The following KIAA1671 variants were observed in gnomAD, a reference collection of about 807,000 sequenced individuals.
The protein encoded by KIAA1671 is uncharacterized protein KIAA1671.
A neutral mutation model predicts 131.2 loss-of-function variants in KIAA1671; 52 were observed. The ratio of observed to expected loss-of-function variants is 0.40; its 90% CI spans 0.32 to 0.50. KIAA1671 has a LOEUF of 0.50. Ranked by LOEUF, KIAA1671 falls within the 20% of genes least tolerant of loss-of-function variation. KIAA1671 has a pLI of 0.73. For missense variants in KIAA1671, 2,360 were observed against 2,364.2 expected, an observed-to-expected ratio of 1.00 and a Z score of 0.04; for synonymous variants, 1,003 against 961.6, an observed-to-expected ratio of 1.04 and a Z score of -0.80.
intron 6 of KIAA1671, among the ~76,000 whole-genome samples, chr22:25,168,377 G>A (rs995740520): frequency 6.6e-6 from 1 of 152,190 alleles, no homozygotes; most frequent in Non-Finnish European, 1.5e-5. Context: ...TATGTGTCAC[G>A]TTCTGCCTGG....
chr22:25,181,595 C>T, intron 9 of KIAA1671, 104 bp from the exon 10 acceptor site: 1 of 1,398,650 alleles, frequency 7.1e-7, no homozygotes, highest in East Asian at 2.6e-5. Flanking sequence ...CTGTGCAGGT[C>T]TGATGTGAGC....
intron 5 of KIAA1671, among the ~76,000 whole-genome samples, chr22:25,042,642 ATT>A (rs144254860): frequency 9.7e-5 from 14 of 145,008 alleles, no homozygotes; most frequent in Non-Finnish European, 1.2e-4. Flanking sequence ...AATTTTTTGT[ATT>A]TTTTTTTTTT....
chr22:25,045,287 G>C (rs1270987517), intron 5 of KIAA1671, among the ~76,000 whole-genome samples: 3 of 152,152 alleles, frequency 2.0e-5, no homozygotes, highest in Non-Finnish European at 2.9e-5. Context: ...TTTAACTATG[G>C]GCAATTTTGC....
chr22:25,018,034 T>C (rs1313802501), intron 1 of KIAA1671, among the ~76,000 whole-genome samples: 2 of 151,832 alleles, frequency 1.3e-5, no homozygotes, highest in South Asian at 2.1e-4. Context: ...CTCCTCCTCC[T>C]CCTCCTCCTC....
rs151080291 is a variant in KIAA1671, at chr22:25,182,545, A to G, written c.5199+722A>G. On this transcript the variant is annotated intron_variant, in intron 10 of 12. Transcript: ENST00000358431. ...ATACCCTTCACTCAGCTTCACCCAC[A>G]TGATAGTATTTCACATGACCATAGC... Among the ~76,000 whole-genome samples the G allele has an allele frequency of 1.1e-3, 170 of 152,266 alleles. 1 individual carries two copies. The highest frequency in any genetic ancestry group is 8.9e-3 in the East Asian group (46 of 5,182).
intron 12 of KIAA1671, among the ~76,000 whole-genome samples, chr22:25,191,376 G>A (rs773437138): frequency 2.6e-5 from 4 of 151,960 alleles, no homozygotes; most frequent in East Asian, 3.9e-4. Context: ...GGCTGGTCTC[G>A]AACTCCTGAC....
intron 6 of KIAA1671, among the ~76,000 whole-genome samples, chr22:25,108,333 T>C (rs1450762151): frequency 6.6e-6 from 1 of 152,216 alleles, no homozygotes; most frequent in Non-Finnish European, 1.5e-5. Context: ...TTTCTAGGTA[T>C]TTCTGGTGTG....
At chr22:25,127,404 T>C (rs9612871) in intron 6 of KIAA1671, among the ~76,000 whole-genome samples, 15,245 of 152,204 alleles carry the variant, frequency 0.1, 837 homozygotes, top group East Asian at 0.16. Context: ...TGCCATTTTC[T>C]CTCCAGAGTG....
At chr22:25,169,226 G>A (rs1192107265) in intron 6 of KIAA1671, among the ~76,000 whole-genome samples, 1 of 151,958 alleles carries the variant, frequency 6.6e-6, no homozygotes, top group Non-Finnish European at 1.5e-5. Context: ...AGACCAGCCT[G>A]GGCAACATGA....
At chr22:25,153,417 G>A (rs192781836) in intron 6 of KIAA1671, among the ~76,000 whole-genome samples, 11 of 152,276 alleles carry the variant, frequency 7.2e-5, no homozygotes, top group Non-Finnish European at 1.2e-4. Context: ...CATTGCACAG[G>A]ACGGCCCCCA....
At position 25,093,824 on chromosome 22, in the gene KIAA1671, TTCTCTCTCTGTCTGTCTC is replaced by T. The variant is rs1568951534; in HGVS notation, c.4530+44470_4530+44487del. ...TCTCTCTCTCTCTGTCTCTCTCTCT[TTCTCTCTCTGTCTGTCTC>T]TCTCTCTCTCTCTCTCTCTCTCTCT... On this transcript the variant is annotated intron_variant, in intron 6 of 12. Transcript: ENST00000358431. Among the ~76,000 whole-genome samples, 51 of 21,932 alleles carry T rather than the reference TTCTCTCTCTGTCTGTCTC, an allele frequency of 2.3e-3. 5 individuals carry two copies. Among genetic ancestry groups the T allele is most frequent in the African/African-American group, 6.3e-3 (23 of 3,626 alleles). The allele number at this position is 21,932 out of a possible 152,430, so 14.4% of individuals were successfully genotyped here. A position where few individuals can be genotyped will look rare whatever the true frequency, so the allele number is the denominator to read the frequency against.
intron 8 of KIAA1671, chr22:25,176,644 G>C (rs898206258): frequency 1.3e-5 from 2 of 152,230 alleles, no homozygotes; most frequent in African/African-American, 4.8e-5. Flanking sequence ...CCCCAGCTCT[G>C]AGCACTTCAC....
At chr22:25,083,758 C>T (rs1203647507) in intron 6 of KIAA1671, among the ~76,000 whole-genome samples, 1 of 152,214 alleles carries the variant, frequency 6.6e-6, no homozygotes, top group African/African-American at 2.4e-5. Flanking sequence ...TTTACTCTGC[C>T]CTCTCCCTGT....
chr22:24,980,747 A>G (rs1022360349), intron 1 of KIAA1671, among the ~76,000 whole-genome samples: 1 of 150,978 alleles, frequency 6.6e-6, no homozygotes, highest in African/African-American at 2.4e-5. Context: ...TGTTGTTATT[A>G]TTATTTTTTT....
intron 6 of KIAA1671, among the ~76,000 whole-genome samples, chr22:25,109,586 G>A (rs913294977): frequency 2.0e-5 from 3 of 152,168 alleles, no homozygotes; most frequent in Non-Finnish European, 2.9e-5. Context: ...CATAACCTTG[G>A]TACATGATTT....
chr22:25,056,668 G>T (rs1258757641), intron 6 of KIAA1671: 1 of 151,282 alleles, frequency 6.6e-6, no homozygotes, highest in Non-Finnish European at 1.5e-5. Context: ...ACAAAAATTA[G>T]CTGGGCATGG....
intron 6 of KIAA1671, among the ~76,000 whole-genome samples, chr22:25,066,468 C>T (rs1928481066): frequency 6.6e-6 from 1 of 152,184 alleles, no homozygotes; most frequent in East Asian, 1.9e-4. Flanking sequence ...TTTATATGGG[C>T]ATCAGTTCCA....
At chr22:25,190,630 A>G (rs1386933257) in intron 11 of KIAA1671, 72 bp from the exon 12 acceptor site, 25 of 1,295,034 alleles carry the variant, frequency 1.9e-5, no homozygotes, top group Middle Eastern at 1.8e-4. Flanking sequence ...ACAGTCGGAT[A>G]CCACTCAGTC....
intron 6 of KIAA1671, among the ~76,000 whole-genome samples, chr22:25,148,529 A>T (rs17606171): frequency 0.073 from 11,129 of 152,272 alleles, 502 homozygotes; most frequent in Middle Eastern, 0.11. Flanking sequence ...GGGCAACTGT[A>T]GGGCTTATCA....
Sources: gnomAD v4.1 joint callset for allele counts (sites outside exome capture counted in the v4.1 genomes callset) on GRCh38, gnomAD v4.1.1 for gene constraint, MANE v1.5 for transcripts, NCBI Gene and HGNC (gene_info 2026-07-23, HGNC 2026-07-21) for gene names.